Variants in SGCZ observed in about 807,000 individuals in gnomAD.
The protein encoded by SGCZ is zeta-sarcoglycan.
In SGCZ, 40 loss-of-function variants were observed where a neutral mutation model predicts 41.3. That is an observed-to-expected ratio of 0.97 (90% CI 0.75 to 1.26). SGCZ has a LOEUF of 1.26. SGCZ is among the 50% of genes most tolerant of loss of function. The probability of loss-of-function intolerance (pLI) is 0.00; values close to 1 mark genes in which losing one functional copy is unlikely to be tolerated. For missense variants in SGCZ, 552 were observed against 369.8 expected, an observed-to-expected ratio of 1.49 and a Z score of -4.04; for synonymous variants, 206 against 137.5, an observed-to-expected ratio of 1.50 and a Z score of -3.49.
chr8:14,100,205 C>G (rs1655262128), intron 7 of SGCZ, among the ~76,000 whole-genome samples: 1 of 151,538 alleles, frequency 6.6e-6, no homozygotes. Context: ...AGATGAAAAC[C>G]TGTGGCTATG....
At chr8:14,325,659 AATC>A (rs1008457630) in intron 2 of SGCZ, among the ~76,000 whole-genome samples, 1 of 146,140 alleles carries the variant, frequency 6.8e-6, no homozygotes, top group Non-Finnish European at 1.5e-5. Flanking sequence ...AATGATATAT[AATC>A]ATATTTTAAT....
intron 2 of SGCZ, among the ~76,000 whole-genome samples, chr8:14,453,409 A>C (rs377334025): frequency 6.6e-6 from 1 of 152,214 alleles, no homozygotes; most frequent in Non-Finnish European, 1.5e-5. Context: ...GAATTTGAAC[A>C]ACAAGACATT....
chr8:14,372,745 C>T (rs1253558513), intron 2 of SGCZ, among the ~76,000 whole-genome samples: 1 of 152,046 alleles, frequency 6.6e-6, no homozygotes, highest in Non-Finnish European at 1.5e-5. Flanking sequence ...CAGCAGCCTG[C>T]TTGGAGTATC....
chr8:14,158,822 G>T (rs1204154323), intron 5 of SGCZ, among the ~76,000 whole-genome samples: 1 of 152,122 alleles, frequency 6.6e-6, no homozygotes, highest in South Asian at 2.1e-4. Flanking sequence ...AGGCTGCAGT[G>T]CAGTGTCAGG....
intron 4 of SGCZ, among the ~76,000 whole-genome samples, chr8:14,230,181 G>A (rs1038346576): frequency 6.6e-6 from 1 of 152,016 alleles, no homozygotes; most frequent in Admixed American, 6.6e-5. Flanking sequence ...TTCTCCAAAG[G>A]TAAAAAGTAG....
At chr8:15,199,833 A>G (rs868696223) in intron 1 of SGCZ, among the ~76,000 whole-genome samples, 1 of 152,172 alleles carries the variant, frequency 6.6e-6, no homozygotes, top group Admixed American at 6.5e-5. Flanking sequence ...TTGCGGAAAA[A>G]AATTTCTTGT....
At chr8:14,797,557 G>C (rs575367679) in intron 1 of SGCZ, among the ~76,000 whole-genome samples, 1 of 152,206 alleles carries the variant, frequency 6.6e-6, no homozygotes, top group Non-Finnish European at 1.5e-5. Flanking sequence ...TTTACAGCCT[G>C]ACAAGGCAAT....
At chr8:15,065,820 G>A (rs974590848) in intron 1 of SGCZ, among the ~76,000 whole-genome samples, 4 of 152,140 alleles carry the variant, frequency 2.6e-5, no homozygotes, top group Non-Finnish European at 4.4e-5. Context: ...ATAAACCCAT[G>A]ACTTGCTAGC....
chr8:14,234,833 G>A (rs17292180), intron 4 of SGCZ, among the ~76,000 whole-genome samples: 34,132 of 151,918 alleles, frequency 0.22, 4,053 homozygotes, highest in East Asian at 0.37. Flanking sequence ...TTACATAATT[G>A]AAGAGTTTCT....
chr8:14,149,569 T>C (rs527672931), intron 5 of SGCZ, among the ~76,000 whole-genome samples: 1 of 150,754 alleles, frequency 6.6e-6, no homozygotes, highest in African/African-American at 2.4e-5. Flanking sequence ...ATCGGAAGAA[T>C]CAATGTTGTT....
intron 4 of SGCZ, among the ~76,000 whole-genome samples, chr8:14,237,202 A>T (rs771941169): frequency 6.6e-6 from 1 of 152,190 alleles, no homozygotes; most frequent in Non-Finnish European, 1.5e-5. Context: ...AGTAATGACC[A>T]GCAAAATAAA....
At chr8:14,552,197 C>G (rs1008239073) in intron 2 of SGCZ, among the ~76,000 whole-genome samples, 3 of 152,012 alleles carry the variant, frequency 2.0e-5, no homozygotes, top group Non-Finnish European at 4.4e-5. Flanking sequence ...TATTTTACTG[C>G]TCTGATGGAA....
intron 1 of SGCZ, among the ~76,000 whole-genome samples, chr8:14,735,386 G>T (rs7000672): frequency 0.025 from 3,813 of 152,286 alleles, 168 homozygotes; most frequent in African/African-American, 0.087. Flanking sequence ...AAAGCAGGTG[G>T]AAGAAGGTGG....
chr8:15,061,679 C>A (rs182842603), intron 1 of SGCZ, among the ~76,000 whole-genome samples: 7 of 152,046 alleles, frequency 4.6e-5, no homozygotes, highest in Non-Finnish European at 1.0e-4. Context: ...CCATTTCACC[C>A]CTTCTGCCAT....
At chr8:14,801,513 G>C (rs1801320035) in intron 1 of SGCZ, among the ~76,000 whole-genome samples, 1 of 152,140 alleles carries the variant, frequency 6.6e-6, no homozygotes, top group African/African-American at 2.4e-5. Flanking sequence ...AGAAAGTACA[G>C]ACAGATTATG....
At chr8:14,384,151 T>A (rs1804478966) in intron 2 of SGCZ, among the ~76,000 whole-genome samples, 1 of 152,046 alleles carries the variant, frequency 6.6e-6, no homozygotes, top group Non-Finnish European at 1.5e-5. Context: ...GTGTGTGATG[T>A]TCCCCTTCCT....
At chr8:14,713,434 C>A (rs557706587) in intron 1 of SGCZ, among the ~76,000 whole-genome samples, 1 of 152,126 alleles carries the variant, frequency 6.6e-6, no homozygotes, top group Non-Finnish European at 1.5e-5. Context: ...AGTATAAAAT[C>A]AGGAGGAGGG....
At chr8:14,164,135 G>A (rs1170916052) in intron 5 of SGCZ, among the ~76,000 whole-genome samples, 5 of 151,662 alleles carry the variant, frequency 3.3e-5, no homozygotes, top group African/African-American at 1.2e-4. Flanking sequence ...ATACTTTTGA[G>A]GATAATTATG....
At chr8:15,016,878 G>A (rs1389680348) in intron 1 of SGCZ, among the ~76,000 whole-genome samples, 6 of 152,150 alleles carry the variant, frequency 3.9e-5, no homozygotes, top group Non-Finnish European at 7.4e-5. Context: ...GCAAGAGAGA[G>A]AGAGAGAGAA....
Sources: gnomAD v4.1 joint callset for allele counts (sites outside exome capture counted in the v4.1 genomes callset) on GRCh38, gnomAD v4.1.1 for gene constraint, MANE v1.5 for transcripts, NCBI Gene and HGNC (gene_info 2026-07-23, HGNC 2026-07-21) for gene names.